PCCA: variants seen among roughly 807,000 people sequenced by gnomAD.
PCCA encodes propionyl-CoA carboxylase subunit alpha.
Under a neutral mutation model 101.3 loss-of-function variants are expected in PCCA, and 74 were observed. The ratio of observed to expected loss-of-function variants is 0.73; its 90% CI spans 0.61 to 0.89. The LOEUF (loss-of-function observed/expected upper bound fraction) is 0.89. Among genes scored for constraint, PCCA ranks in the 40% least tolerant of loss-of-function variants. PCCA has a pLI of 0.00. For missense variants in PCCA, 891 were observed against 907.0 expected (o/e 0.98, Z 0.23); for synonymous variants, 294 against 313.6 (o/e 0.94, Z 0.66).
chr13:100,225,196 G>C (rs186595729), intron 7 of PCCA, among the ~76,000 whole-genome samples: 261 of 152,290 alleles, frequency 1.7e-3, no homozygotes, highest in Middle Eastern at 3.4e-3. Flanking sequence ...CAAAGTAGAT[G>C]GTGTTGAGAA....
intron 21 of PCCA, among the ~76,000 whole-genome samples, chr13:100,451,245 C>T (rs1348674492): frequency 6.6e-6 from 1 of 152,130 alleles, no homozygotes; most frequent in Non-Finnish European, 1.5e-5. Context: ...GATGATACAT[C>T]TCAGTGTTTG....
At chr13:100,207,582 G>A (rs896984090) in intron 6 of PCCA, among the ~76,000 whole-genome samples, 1 of 151,840 alleles carries the variant, frequency 6.6e-6, no homozygotes, top group African/African-American at 2.4e-5. Context: ...GGCTTTCACT[G>A]TGTTGGTCAG....
chr13:100,250,987 C>A (rs2061714781), intron 8 of PCCA, among the ~76,000 whole-genome samples: 1 of 152,020 alleles, frequency 6.6e-6, no homozygotes, highest in African/African-American at 2.4e-5. Flanking sequence ...AAGATGTAGG[C>A]AGGAGAGAGA....
In PCCA at chr13:100,498,320, A is replaced by T. The variant is rs543650226; in HGVS notation, c.1900-17107A>T. Among the ~76,000 whole-genome samples the T allele has an allele frequency of 9.3e-5, 14 of 151,318 alleles. No homozygotes were observed. The South Asian group carries it at 2.9e-3, about 32-fold the overall frequency. ...TCTTCTCTATGTACCAGATACTATT[A>T]TGCTCTCTCATGGAGGTTAGTACTG... is the stretch of plus-strand genomic sequence containing the variant. On this transcript the variant is annotated intron_variant, in intron 21 of 23. Transcript: ENST00000376285.
chr13:100,522,403 T>TC (rs1053820408), intron 22 of PCCA, among the ~76,000 whole-genome samples: 1 of 152,172 alleles, frequency 6.6e-6, no homozygotes, highest in Non-Finnish European at 1.5e-5. Flanking sequence ...ATCCAGATAC[T>TC]CCAATGACTG....
rs541437362 is a variant in PCCA, at chr13:100,492,695, C to T, written c.1900-22732C>T. On this transcript the variant is annotated intron_variant, in intron 21 of 23. Transcript: ENST00000376285. The stretch of plus-strand genomic sequence containing the variant: ...GTTGCCTTTTGGCTCACCACGCCCC[C>T]CTCTCCTGTATCCATATAAACCCCA... Among the ~76,000 whole-genome samples, 10 of 151,114 alleles carry T rather than the reference C, an allele frequency of 6.6e-5. 1 individual carries two copies. Among genetic ancestry groups the T allele is most frequent in the Admixed American group, 2.0e-4 (3 of 15,170 alleles).
chr13:100,386,575 G>A (rs986284633), intron 19 of PCCA, among the ~76,000 whole-genome samples: 2 of 152,172 alleles, frequency 1.3e-5, no homozygotes, highest in African/African-American at 4.8e-5. Context: ...TACAGACGTG[G>A]TTTCACTGTG....
chr13:100,271,848 C>T (rs887320703), intron 11 of PCCA, among the ~76,000 whole-genome samples: 4 of 152,090 alleles, frequency 2.6e-5, no homozygotes, highest in African/African-American at 9.7e-5. Context: ...AAGGGTGGGC[C>T]TGGTAGAGAA....
chr13:100,169,000 A>T (rs1193492667), intron 6 of PCCA, among the ~76,000 whole-genome samples: 1 of 152,178 alleles, frequency 6.6e-6, no homozygotes, highest in Admixed American at 6.5e-5. Context: ...CCAGTGTTTT[A>T]CAGACTGACA....
intron 4 of PCCA, among the ~76,000 whole-genome samples, chr13:100,133,091 C>T (rs2050720268): frequency 6.6e-6 from 1 of 152,142 alleles, no homozygotes; most frequent in African/African-American, 2.4e-5. Flanking sequence ...ATTTTAACCA[C>T]TCTAATATGG....
At chr13:100,422,118 C>CTTTCTTTCT (rs1567109563) in intron 19 of PCCA, among the ~76,000 whole-genome samples, 1 of 51,184 alleles carries the variant, frequency 2.0e-5, no homozygotes, top group African/African-American at 7.9e-5. Context: ...TTCTTTCTTT[C>CTTTCTTTCT]TTTTCTTTCT....
At chr13:100,524,988 GATAGATAGATA>G (rs775022929) in intron 22 of PCCA, among the ~76,000 whole-genome samples, 11,069 of 110,366 alleles carry the variant, frequency 0.1, 591 homozygotes, top group Middle Eastern at 0.18. Context: ...AAGATGGATA[GATAGATAGATA>G]GATAGATAGA....
chr13:100,250,356 A>G (rs1293893439), intron 8 of PCCA, among the ~76,000 whole-genome samples: 3 of 152,164 alleles, frequency 2.0e-5, no homozygotes, highest in African/African-American at 4.8e-5. Context: ...GTGATGGATT[A>G]CATTAATTGA....
intron 6 of PCCA, among the ~76,000 whole-genome samples, chr13:100,168,194 T>A (rs1415007346): frequency 6.6e-6 from 1 of 152,162 alleles, no homozygotes; most frequent in Admixed American, 6.5e-5. Flanking sequence ...CTCATTCCCA[T>A]AGAAGGATGA....
chr13:100,424,520 T>C (rs1290292545), intron 19 of PCCA, among the ~76,000 whole-genome samples: 3 of 152,192 alleles, frequency 2.0e-5, no homozygotes, highest in African/African-American at 7.2e-5. Flanking sequence ...CCACGCCATA[T>C]TCAGAATGCC....
chr13:100,154,578 C>G, intron 4 of PCCA: 1 of 285,288 alleles, frequency 3.5e-6, no homozygotes, highest in South Asian at 3.7e-5. Flanking sequence ...ATTATCCCAA[C>G]TTCCTGGGGA....
At chr13:100,362,561 C>T (rs1360921239) in intron 18 of PCCA, among the ~76,000 whole-genome samples, 1 of 152,132 alleles carries the variant, frequency 6.6e-6, no homozygotes, top group Non-Finnish European at 1.5e-5. Flanking sequence ...GTCAGTGAGA[C>T]ATGGGGTCTG....
intron 8 of PCCA, chr13:100,237,064 TTAGATCTATTTTCTGCCTCTAGAG>T (rs1303787845): frequency 6.6e-6 from 1 of 152,196 alleles, no homozygotes; most frequent in Non-Finnish European, 1.5e-5. Flanking sequence ...CTAAGATTAT[TTAGATCTATTTTCTGCCTCTAGAG>T]AGCATTTGAT....
intron 11 of PCCA, among the ~76,000 whole-genome samples, chr13:100,272,767 A>G (rs918059879): frequency 6.6e-6 from 1 of 152,200 alleles, no homozygotes; most frequent in Non-Finnish European, 1.5e-5. Context: ...TGGGGTTACA[A>G]ATAAATTTCA....
Sources: allele counts gnomAD v4.1 joint callset (sites outside exome capture counted in the v4.1 genomes callset), GRCh38; gene constraint gnomAD v4.1.1; transcripts MANE v1.5; gene names NCBI Gene and HGNC (gene_info 2026-07-23, HGNC 2026-07-21).